FBXL7: variants seen among roughly 807,000 people sequenced by gnomAD.
FBXL7 encodes F-box/LRR-repeat protein 7.
FBXL7 carries 12 observed loss-of-function variants against 38.3 expected under a neutral mutation model. That is an observed-to-expected ratio of 0.31 (90% CI 0.20 to 0.51). FBXL7 has a LOEUF of 0.51. FBXL7 is among the 20% of genes least tolerant of loss of function. The pLI is 0.98. For missense variants in FBXL7, 567 were observed against 676.4 expected, an observed-to-expected ratio of 0.84 and a Z score of 1.79; for synonymous variants, 297 against 300.9, an observed-to-expected ratio of 0.99 and a Z score of 0.13.
intron 1 of FBXL7, among the ~76,000 whole-genome samples, chr5:15,553,709 T>A (rs1345631323): frequency 6.6e-6 from 1 of 151,266 alleles, no homozygotes; most frequent in African/African-American, 2.4e-5. Flanking sequence ...ATATAAAAAA[T>A]CCAAAGCAAA....
intron 2 of FBXL7, among the ~76,000 whole-genome samples, chr5:15,663,795 G>A (rs754129556): frequency 2.6e-5 from 4 of 151,732 alleles, no homozygotes; most frequent in African/African-American, 9.7e-5. Context: ...TTGTGTGTTT[G>A]TGTTAAGAAC....
chr5:15,636,410 C>A (rs879920725), intron 2 of FBXL7, among the ~76,000 whole-genome samples: 1 of 152,044 alleles, frequency 6.6e-6, no homozygotes, highest in Non-Finnish European at 1.5e-5. Context: ...TCTATGAACA[C>A]CTCTAATATG....
chr5:15,567,573 T>C (rs904253554), intron 1 of FBXL7, among the ~76,000 whole-genome samples: 1 of 151,472 alleles, frequency 6.6e-6, no homozygotes, highest in Non-Finnish European at 1.5e-5. Flanking sequence ...CTTAAGTCTG[T>C]CTCTTTCTTC....
chr5:15,733,831 G>C lies in FBXL7; in HGVS notation c.127+117759G>C, dbSNP rs77707016. Among the ~76,000 whole-genome samples the C allele has an allele frequency of 3.0e-4, 45 of 152,086 alleles. 1 individual carries two copies. The East Asian group carries it at 7.4e-3, about 25-fold the overall frequency. ...CCTATAAAATAGCTTGTTAATGGCC[G>C]GGTGCAGTGGCTCAGGCCTATAATC... On this transcript the variant is annotated intron_variant, in intron 2 of 3. Coordinates refer to ENST00000504595, the MANE Select transcript of FBXL7 (RefSeq NM_012304.5).
chr5:15,761,441 A>C (rs1170664052), intron 2 of FBXL7, among the ~76,000 whole-genome samples: 2 of 152,204 alleles, frequency 1.3e-5, no homozygotes, highest in African/African-American at 4.8e-5. Context: ...CAAAAGATTT[A>C]TTAGTTTCAG....
At chr5:15,728,845 G>T (rs899140102) in intron 2 of FBXL7, among the ~76,000 whole-genome samples, 2 of 152,124 alleles carry the variant, frequency 1.3e-5, no homozygotes, top group African/African-American at 4.8e-5. Flanking sequence ...AAACGTGGAT[G>T]TAAATTAAAG....
intron 2 of FBXL7, among the ~76,000 whole-genome samples, chr5:15,641,424 G>A (rs1741365589): frequency 6.6e-6 from 1 of 152,134 alleles, no homozygotes; most frequent in South Asian, 2.1e-4. Flanking sequence ...GAAGTTCTTG[G>A]TGCATGGAAA....
rs965398865 is a variant in FBXL7, at chr5:15,634,506, G to T, written c.127+18434G>T. On this transcript the variant is annotated intron_variant, in intron 2 of 3. Coordinates refer to ENST00000504595, the MANE Select transcript of FBXL7 (RefSeq NM_012304.5). ...CTGGCTAATTTTTGTATTTTTAGTT[G>T]GGGGGGGGGTTTACCCTAGGGCCAG... 5.2e-4 allele frequency among the ~76,000 whole-genome samples: 29 copies of T among 55,272 alleles called. 1 individual carries two copies. The East Asian group carries it at 0.012, about 22-fold the overall frequency. The allele number at this position is 55,272 out of a possible 152,430, so 36.3% of individuals were successfully genotyped here.
intron 2 of FBXL7, among the ~76,000 whole-genome samples, chr5:15,709,164 C>A (rs1224618215): frequency 6.6e-6 from 1 of 152,136 alleles, no homozygotes; most frequent in Non-Finnish European, 1.5e-5. Flanking sequence ...ACCGTGGACA[C>A]ATAAGACCTG....
intron 2 of FBXL7, among the ~76,000 whole-genome samples, chr5:15,690,421 G>A (rs6554893): frequency 0.56 from 85,274 of 151,940 alleles, 24,041 homozygotes; most frequent in East Asian, 0.68. Context: ...TTGACACATA[G>A]TAATTTTACA....
chr5:15,624,869 GTT>G (rs548586309), intron 2 of FBXL7, among the ~76,000 whole-genome samples: 1 of 135,976 alleles, frequency 7.4e-6, no homozygotes. Context: ...GTACATGTTT[GTT>G]TTTTTTTTTT....
intron 1 of FBXL7, among the ~76,000 whole-genome samples, chr5:15,525,899 C>T (rs1486543854): frequency 1.3e-5 from 2 of 152,194 alleles, no homozygotes; most frequent in Non-Finnish European, 2.9e-5. Context: ...TATACAAGCA[C>T]TACATATGCC....
intron 2 of FBXL7, among the ~76,000 whole-genome samples, chr5:15,751,133 A>G (rs557787816): frequency 1.3e-5 from 2 of 152,170 alleles, no homozygotes; most frequent in Non-Finnish European, 2.9e-5. Flanking sequence ...GTGTGCTTTC[A>G]GAGATATTTC....
chr5:15,518,757 C>T (rs1580348376), intron 1 of FBXL7, among the ~76,000 whole-genome samples: 1 of 152,222 alleles, frequency 6.6e-6, no homozygotes, highest in Non-Finnish European at 1.5e-5. Flanking sequence ...GAATCAGGCC[C>T]TTCGTCTCTC....
At chr5:15,798,932 T>G (rs879273825) in intron 2 of FBXL7, among the ~76,000 whole-genome samples, 5 of 152,218 alleles carry the variant, frequency 3.3e-5, no homozygotes, top group Admixed American at 2.6e-4. Context: ...AAAAATGCAG[T>G]GCAATGATAT....
intron 2 of FBXL7, among the ~76,000 whole-genome samples, chr5:15,717,952 A>AT (rs1178159057): frequency 1.5e-4 from 2 of 13,514 alleles, no homozygotes; most frequent in Admixed American, 8.4e-4. Context: ...CATGGACTCT[A>AT]TCTATGTTAA....
intron 2 of FBXL7, among the ~76,000 whole-genome samples, chr5:15,843,016 G>A (rs966009601): frequency 1.3e-5 from 2 of 152,092 alleles, no homozygotes; most frequent in Admixed American, 1.3e-4. Flanking sequence ...GTACAAATAC[G>A]AGGTTGTATA....
intron 2 of FBXL7, among the ~76,000 whole-genome samples, chr5:15,865,695 CCTT>C (rs1261352658): frequency 3.9e-5 from 6 of 151,958 alleles, no homozygotes; most frequent in Non-Finnish European, 5.9e-5. Context: ...CCTTTTTTCC[CCTT>C]CTTCTTCCCT....
intron 2 of FBXL7, among the ~76,000 whole-genome samples, chr5:15,913,446 C>CA (rs1240926589): frequency 2.0e-5 from 3 of 152,090 alleles, no homozygotes; most frequent in Non-Finnish European, 2.9e-5. Context: ...ACTTATTGAT[C>CA]TTTTACATGG....
Sources: allele counts gnomAD v4.1 joint callset (sites outside exome capture counted in the v4.1 genomes callset), GRCh38; gene constraint gnomAD v4.1.1; transcripts MANE v1.5; gene names NCBI Gene and HGNC (gene_info 2026-07-23, HGNC 2026-07-21).